The following THSD7A variants were observed in gnomAD, a reference collection of about 807,000 sequenced individuals.
THSD7A encodes the protein thrombospondin type-1 domain-containing protein 7A.
A neutral mutation model predicts 231.3 loss-of-function variants in THSD7A; 96 were observed. The ratio of observed to expected loss-of-function variants is 0.41; its 90% CI spans 0.35 to 0.49. The LOEUF is 0.49. THSD7A is among the 20% of genes least tolerant of loss of function. The pLI, the probability that THSD7A is intolerant of heterozygous loss-of-function variation, is 0.05. For synonymous variants in THSD7A, 940 were observed against 743.3 expected, an observed-to-expected ratio of 1.26 and a Z score of -4.30; for missense variants, 2,290 against 2,070.2, an observed-to-expected ratio of 1.11 and a Z score of -2.06.
At chr7:11,454,348 C>T (rs1785236110) in intron 11 of THSD7A, among the ~76,000 whole-genome samples, 1 of 151,760 alleles carries the variant, frequency 6.6e-6, no homozygotes, top group African/African-American at 2.4e-5. Flanking sequence ...ATACCCAAAG[C>T]CTTGTAAAAA....
chr7:11,558,795 G>A (rs1446764718), intron 4 of THSD7A, among the ~76,000 whole-genome samples: 2 of 152,120 alleles, frequency 1.3e-5, no homozygotes, highest in Non-Finnish European at 2.9e-5. Context: ...AAAGTTCTAT[G>A]CCTTAATCCT....
rs189434711 is a variant in THSD7A, at chr7:11,414,915, T to A, written c.3538-2115A>T. 2.0e-4 allele frequency among the ~76,000 whole-genome samples: 30 copies of A among 152,332 alleles called. No individual in the cohort carries two copies. In the East Asian group the frequency reaches 5.4e-3, roughly 27 times the overall value. On this transcript the variant is annotated intron_variant, in intron 17 of 27. Transcript: ENST00000423059. ...TCTCCCTACCTAACACCGTTACTGA[T>A]AGACAGTAAAAGCTTAGTTGGTATC...
chr7:11,525,928 C>T (rs1788456982), intron 6 of THSD7A, among the ~76,000 whole-genome samples: 2 of 152,116 alleles, frequency 1.3e-5, no homozygotes, highest in South Asian at 2.1e-4. Flanking sequence ...TGGGTGAAAA[C>T]AGATTTCACT....
chr7:11,629,712 T>C (rs1239254751), intron 2 of THSD7A, among the ~76,000 whole-genome samples: 1 of 152,192 alleles, frequency 6.6e-6, no homozygotes, highest in Non-Finnish European at 1.5e-5. Context: ...TGCCTTAGTC[T>C]ATAGGCACTG....
At chr7:11,551,047 C>A (rs906210631) in intron 4 of THSD7A, among the ~76,000 whole-genome samples, 1 of 152,124 alleles carries the variant, frequency 6.6e-6, no homozygotes, top group East Asian at 1.9e-4. Flanking sequence ...AAGTCACACA[C>A]TTATAGCCAT....
intron 2 of THSD7A, among the ~76,000 whole-genome samples, chr7:11,604,569 T>A (rs1044713212): frequency 5.9e-5 from 9 of 152,124 alleles, no homozygotes; most frequent in African/African-American, 2.2e-4. Context: ...TTTAATGAGA[T>A]ATGATTTATT....
In THSD7A at chr7:11,807,396, T is replaced by A. The variant is rs183460236; in HGVS notation, c.190+24361A>T. On this transcript the variant is annotated intron_variant, in intron 1 of 27. Coordinates refer to ENST00000423059, the MANE Select transcript of THSD7A (RefSeq NM_015204.3). Reference sequence around the variant, plus strand: ...AGGAAAGTATTCCCAAATATACTACTTATTTGGGGTATTAAGAGGGACTAT... The same window carrying A: ...AGGAAAGTATTCCCAAATATACTACATATTTGGGGTATTAAGAGGGACTAT... 2.6e-5 allele frequency among the ~76,000 whole-genome samples: 4 copies of A among 152,286 alleles called. No homozygotes were observed. The East Asian group carries it at 7.7e-4, about 29-fold the overall frequency.
intron 12 of THSD7A, 130 bp downstream of exon 12, chr7:11,447,100 A>AT (rs1412964990): frequency 7.8e-6 from 7 of 897,810 alleles, no homozygotes; most frequent in African/African-American, 1.7e-5. Context: ...TGCCAGCTAA[A>AT]TTTAAAATAT....
chr7:11,442,973 A>G (rs1784852299), intron 13 of THSD7A, among the ~76,000 whole-genome samples: 1 of 152,074 alleles, frequency 6.6e-6, no homozygotes, highest in South Asian at 2.1e-4. Flanking sequence ...TGACAATACT[A>G]AAATAAAAAA....
chr7:11,822,295 G>A (rs2128187401), intron 1 of THSD7A, among the ~76,000 whole-genome samples: 2 of 152,142 alleles, frequency 1.3e-5, no homozygotes, highest in Non-Finnish European at 2.9e-5. Context: ...CAGAATATGT[G>A]ATATTTGACT....
intron 16 of THSD7A, among the ~76,000 whole-genome samples, chr7:11,418,328 G>C (rs1375607669): frequency 1.2e-4 from 19 of 152,138 alleles, no homozygotes; most frequent in Admixed American, 1.2e-3. Flanking sequence ...TTATTCTCCT[G>C]TAAGCAGTCA....
chr7:11,730,536 CATT>C (rs1781693529), intron 1 of THSD7A, among the ~76,000 whole-genome samples: 1 of 151,440 alleles, frequency 6.6e-6, no homozygotes, highest in African/African-American at 2.4e-5. Context: ...GTTTGACTAT[CATT>C]ATGTTTTTAT....
At chr7:11,593,001 C>A (rs537365299) in intron 3 of THSD7A, among the ~76,000 whole-genome samples, 1 of 152,068 alleles carries the variant, frequency 6.6e-6, no homozygotes, top group East Asian at 1.9e-4. Flanking sequence ...AACTATCTAC[C>A]CCTTTACAGA....
At chr7:11,573,544 G>A (rs1487485917) in intron 4 of THSD7A, among the ~76,000 whole-genome samples, 5 of 152,204 alleles carry the variant, frequency 3.3e-5, no homozygotes, top group African/African-American at 1.2e-4. Context: ...CTGGCTTGTT[G>A]GCCAATGACT....
At chr7:11,453,625 T>G (rs1249208756) in intron 11 of THSD7A, among the ~76,000 whole-genome samples, 1 of 151,978 alleles carries the variant, frequency 6.6e-6, no homozygotes, top group East Asian at 1.9e-4. Flanking sequence ...TTAACTCTAG[T>G]TCCATCTAAT....
chr7:11,393,804 C>A (rs1317952601), intron 23 of THSD7A, among the ~76,000 whole-genome samples: 1 of 151,954 alleles, frequency 6.6e-6, no homozygotes, highest in African/African-American at 2.4e-5. Context: ...AGTGAGAAGA[C>A]AAGATTAGAG....
At chr7:11,498,710 C>T (rs1787211224) in intron 6 of THSD7A, among the ~76,000 whole-genome samples, 1 of 152,180 alleles carries the variant, frequency 6.6e-6, no homozygotes, top group South Asian at 2.1e-4. Flanking sequence ...CCAGCCACTT[C>T]ATGCAGATGC....
At chr7:11,605,999 T>C (rs1043706313) in intron 2 of THSD7A, among the ~76,000 whole-genome samples, 1 of 152,128 alleles carries the variant, frequency 6.6e-6, no homozygotes, top group Non-Finnish European at 1.5e-5. Flanking sequence ...TTGGGAAATA[T>C]CAATTTTAGT....
At chr7:11,666,988 T>TA (rs869148892) in intron 1 of THSD7A, among the ~76,000 whole-genome samples, 3 of 152,076 alleles carry the variant, frequency 2.0e-5, no homozygotes, top group South Asian at 4.1e-4. Context: ...TTAGTTTTTT[T>TA]AAAAAAACAG....
Sources: allele counts gnomAD v4.1 joint callset (sites outside exome capture counted in the v4.1 genomes callset), GRCh38; gene constraint gnomAD v4.1.1; transcripts MANE v1.5; gene names NCBI Gene and HGNC (gene_info 2026-07-23, HGNC 2026-07-21).